The following COLQ variants were observed in gnomAD, a reference collection of about 807,000 sequenced individuals.
COLQ encodes the protein collagen like tail subunit of asymmetric acetylcholinesterase.
A neutral mutation model predicts 69.0 loss-of-function variants in COLQ; 48 were observed. The observed-to-expected ratio is 0.70, with a 90% CI of 0.55 to 0.88. The LOEUF (loss-of-function observed/expected upper bound fraction) is 0.88, where lower values mean the gene tolerates loss of function less well. Ranked by LOEUF, COLQ falls within the 40% of genes least tolerant of loss-of-function variation. The pLI is 0.00. For missense variants in COLQ, 618 were observed against 594.6 expected (o/e 1.04, Z -0.41); for synonymous variants, 217 against 211.2 (o/e 1.03, Z -0.24).
intron 12 of COLQ, among the ~76,000 whole-genome samples, chr3:15,465,232 TTTGATTTA>T (rs1224697701): frequency 0.092 from 12,975 of 141,370 alleles, 800 homozygotes; most frequent in Admixed American, 0.15. Flanking sequence ...GACTTTATAT[TTTGATTTA>T]TTTATTTATT....
chr3:15,475,803 G>T (rs930765163), intron 6 of COLQ, among the ~76,000 whole-genome samples: 1 of 152,112 alleles, frequency 6.6e-6, no homozygotes, highest in Non-Finnish European at 1.5e-5. Context: ...GTAGTGGAGG[G>T]GGCATGACGG....
intron 1 of COLQ, among the ~76,000 whole-genome samples, chr3:15,492,998 A>G (rs1488522621): frequency 1.3e-5 from 2 of 152,242 alleles, no homozygotes; most frequent in Admixed American, 1.3e-4. Context: ...ACTCCAGGTC[A>G]TACAAGTTAA....
chr3:15,511,291 C>A (rs1350224698), intron 1 of COLQ, among the ~76,000 whole-genome samples: 1 of 152,224 alleles, frequency 6.6e-6, no homozygotes, highest in Non-Finnish European at 1.5e-5. Flanking sequence ...AATGGCCAAC[C>A]CCCTGCCTAC....
intron 1 of COLQ, among the ~76,000 whole-genome samples, chr3:15,495,897 A>G (rs2125152036): frequency 6.6e-6 from 1 of 152,268 alleles, no homozygotes; most frequent in South Asian, 2.1e-4. Flanking sequence ...TCCCCTGGCT[A>G]CAGTTTCTCC....
At chr3:15,506,946 A>ATTTCTTACATGT (rs1442745966) in intron 1 of COLQ, 1 of 152,190 alleles carries the variant, frequency 6.6e-6, no homozygotes, top group Non-Finnish European at 1.5e-5. Context: ...TAACTACATA[A>ATTTCTTACATGT]AATGCATGCA....
intron 1 of COLQ, among the ~76,000 whole-genome samples, chr3:15,519,232 C>G (rs1468552738): frequency 2.6e-5 from 4 of 152,162 alleles, no homozygotes; most frequent in African/African-American, 4.8e-5. Context: ...GCCAGAAGTG[C>G]CTGTGGATGT....
At chr3:15,484,939 T>C (rs937714391) in intron 3 of COLQ, among the ~76,000 whole-genome samples, 2 of 152,256 alleles carry the variant, frequency 1.3e-5, no homozygotes, top group Non-Finnish European at 2.9e-5. Context: ...CCATTGCTGG[T>C]GAGGAGCTGC....
At position 15,520,269 on chromosome 3, in the gene COLQ, C is replaced by T. The variant is rs187887281; in HGVS notation, c.106+1251G>A. ...GCACACACCCACGGTGACACCACCACTCACCTTTCCTGCCCACCCTCCTGA... is the reference window on the plus strand; with the variant it reads ...GCACACACCCACGGTGACACCACCATTCACCTTTCCTGCCCACCCTCCTGA... On this transcript the variant is annotated intron_variant, in intron 1 of 16. Transcript: ENST00000383788. Among the ~76,000 whole-genome samples, 5 of 152,376 alleles carry T rather than the reference C, an allele frequency of 3.3e-5. No homozygotes were observed. The East Asian group carries it at 9.6e-4, about 29-fold the overall frequency.
chr3:15,462,480 C>T (rs937064522), intron 12 of COLQ, among the ~76,000 whole-genome samples: 5 of 151,646 alleles, frequency 3.3e-5, no homozygotes, highest in Non-Finnish European at 5.9e-5. Context: ...GCTCAAAGGA[C>T]GGAATGGGGG....
At position 15,520,889 on chromosome 3, in the gene COLQ, G is replaced by A. The variant is rs1487350139; in HGVS notation, c.106+631C>T. 3.9e-5 allele frequency among the ~76,000 whole-genome samples: 6 copies of A among 152,142 alleles called. No individual in the cohort carries two copies. The East Asian group carries it at 1.2e-3, about 29-fold the overall frequency. ...AACCCCCTCCACTTCTCCCTGGAAAGCTCACTTCTCTCAGGACCTCCAGCT... is the reference window on the plus strand; with the variant it reads ...AACCCCCTCCACTTCTCCCTGGAAAACTCACTTCTCTCAGGACCTCCAGCT... On this transcript the variant is annotated intron_variant, in intron 1 of 16. Coordinates refer to ENST00000383788, the MANE Select transcript of COLQ (RefSeq NM_005677.4).
At chr3:15,519,147 CTGAGCTGG>C (rs2063102064) in intron 1 of COLQ, among the ~76,000 whole-genome samples, 1 of 149,932 alleles carries the variant, frequency 6.7e-6, no homozygotes, top group African/African-American at 2.5e-5. Flanking sequence ...CTTTGTGATA[CTGAGCTGG>C]TTACCTTAGT....
chr3:15,509,439 C>T (rs2062954580), intron 1 of COLQ, among the ~76,000 whole-genome samples: 1 of 152,226 alleles, frequency 6.6e-6, no homozygotes, highest in African/African-American at 2.4e-5. Context: ...AAGATCACCC[C>T]TGTCTTAGAA....
intron 12 of COLQ, among the ~76,000 whole-genome samples, chr3:15,460,684 T>C (rs2062099106): frequency 6.6e-6 from 1 of 152,214 alleles, no homozygotes. Flanking sequence ...ACTGTGCCAA[T>C]ATCTTATCCT....
At chr3:15,460,200 G>A (rs751450201) in intron 12 of COLQ, among the ~76,000 whole-genome samples, 5 of 152,230 alleles carry the variant, frequency 3.3e-5, no homozygotes, top group Non-Finnish European at 7.3e-5. Context: ...GACAGGGCTA[G>A]TGCCTGTTTT....
chr3:15,451,353 A>G lies in COLQ; in HGVS notation c.*291T>C, dbSNP rs2061939072. The G allele has an allele frequency of 1.8e-6, 1 of 569,854 alleles. No homozygotes were observed. Among genetic ancestry groups the G allele is most frequent in the African/African-American group, 1.9e-5 (1 of 53,600 alleles). 35.3% of individuals were successfully genotyped at this position (569,854 alleles called of 1,614,324 possible). A position where few individuals can be genotyped will look rare whatever the true frequency, so the allele number is the denominator to read the frequency against. ...CCACGGCCTGGGTCAGCAACATTCCAGAAGAGGAAGAGCATTGTAGCCGGT... is the reference window on the plus strand; with the variant it reads ...CCACGGCCTGGGTCAGCAACATTCCGGAAGAGGAAGAGCATTGTAGCCGGT... On this transcript the variant is annotated 3_prime_UTR_variant, in exon 17 of 17. Coordinates refer to ENST00000383788, the MANE Select transcript of COLQ (RefSeq NM_005677.4).
chr3:15,471,145 G>GTGC (rs1287243850), intron 10 of COLQ, among the ~76,000 whole-genome samples: 2 of 152,176 alleles, frequency 1.3e-5, no homozygotes, highest in Admixed American at 6.5e-5. Flanking sequence ...TTAGGATTAT[G>GTGC]TGCTTGCCCA....
At chr3:15,511,888 C>T (rs1375588596) in intron 1 of COLQ, among the ~76,000 whole-genome samples, 1 of 152,194 alleles carries the variant, frequency 6.6e-6, no homozygotes, top group Non-Finnish European at 1.5e-5. Context: ...TCATAACCCA[C>T]CCGACAGTCC....
rs1296768562 is a variant in COLQ, at chr3:15,450,843, G to T, written c.*801C>A. 6.6e-6 allele frequency: 1 copy of T among 152,548 alleles called. No individual in the cohort carries two copies. The allele number at this position is 152,548 out of a possible 1,614,324, so 9.4% of individuals were successfully genotyped here. A position where few individuals can be genotyped will look rare whatever the true frequency, so the allele number is the denominator to read the frequency against. ...CAGTCCTCATGAGTCTCCTGGACAG[G>T]AAATGGACATGAGGGACATTTTTGA... is the stretch of plus-strand genomic sequence containing the variant. On this transcript the variant is annotated 3_prime_UTR_variant, in exon 17 of 17. Coordinates refer to ENST00000383788, the MANE Select transcript of COLQ (RefSeq NM_005677.4).
chr3:15,468,140 C>T (rs1217548758), intron 11 of COLQ, among the ~76,000 whole-genome samples: 1 of 152,088 alleles, frequency 6.6e-6, no homozygotes, highest in Non-Finnish European at 1.5e-5. Flanking sequence ...GCTGGAAATG[C>T]TCCTTCATTC....
Sources: gnomAD v4.1 joint callset for allele counts (sites outside exome capture counted in the v4.1 genomes callset) on GRCh38, gnomAD v4.1.1 for gene constraint, MANE v1.5 for transcripts, NCBI Gene and HGNC (gene_info 2026-07-23, HGNC 2026-07-21) for gene names.